The following NDC1 variants were observed in gnomAD, a reference collection of about 807,000 sequenced individuals.
NDC1 encodes NDC1 transmembrane nucleoporin.
NDC1 carries 24 observed loss-of-function variants against 89.8 expected under a neutral mutation model. The observed-to-expected ratio is 0.27, with a 90% confidence interval of 0.19 to 0.38. The LOEUF (loss-of-function observed/expected upper bound fraction) is 0.38, where lower values mean the gene tolerates loss of function less well. Ranked by LOEUF, NDC1 falls within the 10% of genes least tolerant of loss-of-function variation. The pLI, the probability that NDC1 is intolerant of heterozygous loss-of-function variation, is 1.00. For synonymous variants in NDC1, 296 were observed against 284.8 expected (o/e 1.04, Z -0.39); for missense variants, 728 against 797.6 (o/e 0.91, Z 1.05).
intron 14 of NDC1, among the ~76,000 whole-genome samples, chr1:53,790,004 G>A (rs1647435047): frequency 6.6e-6 from 1 of 151,960 alleles, no homozygotes; most frequent in South Asian, 2.1e-4. Flanking sequence ...TTGGGTGGCT[G>A]AGGCAGGAGA....
intron 6 of NDC1, among the ~76,000 whole-genome samples, chr1:53,811,941 A>G (rs567261230): frequency 2.6e-5 from 4 of 152,294 alleles, no homozygotes; most frequent in African/African-American, 9.6e-5. Context: ...GACTCTGTGC[A>G]GACAACCCCC....
chr1:53,818,929 A>G, intron 6 of NDC1, 42 bp downstream of exon 6: 4 of 876,338 alleles, frequency 4.6e-6, no homozygotes, highest in South Asian at 1.6e-5. Flanking sequence ...TTTCTGGGCT[A>G]TGAGATAATA....
rs944011011 is a variant in NDC1, at chr1:53,825,806, T to C, written c.586A>G (p.Ile196Val). The C allele has an allele frequency of 1.9e-6, 3 of 1,588,460 alleles. No individual in the cohort carries two copies. Among genetic ancestry groups the C allele is most frequent in the Admixed American group, 1.9e-5 (1 of 52,530 alleles). Reference sequence around the variant, plus strand: ...TGCTCAAATGATCTTACCTGTATGATGGGAAATGGAAGATAGTTCATGTTG... The same window carrying C: ...TGCTCAAATGATCTTACCTGTATGACGGGAAATGGAAGATAGTTCATGTTG... ...VNNMNYLPFP[I>V]IQQYKFLRFR... The change falls in exon 5 of 18, where the codon ATC becomes GTC. Residue 196 changes from isoleucine to valine, a missense_variant. Transcript: ENST00000371429.
Position 53,827,519 on chromosome 1 carries a change from C to T in NDC1, c.455+480G>A, listed in dbSNP as rs1323347389. The stretch of plus-strand genomic sequence containing the variant: ...CAATGCCATGTGTTCAAGAACTATA[C>T]AAGTTTCAAAATTATAAAAGCACTC... On this transcript the variant is annotated intron_variant, in intron 4 of 17. Coordinates refer to ENST00000371429, the MANE Select transcript of NDC1 (RefSeq NM_018087.5). Among the ~76,000 whole-genome samples the T allele has an allele frequency of 2.0e-5, 3 of 152,188 alleles. No homozygotes were observed. The South Asian group carries it at 6.2e-4, about 31-fold the overall frequency.
At chr1:53,800,513 G>C (rs190772753) in intron 11 of NDC1, among the ~76,000 whole-genome samples, 180 bp downstream of exon 11, 4 of 151,636 alleles carry the variant, frequency 2.6e-5, no homozygotes, top group Admixed American at 2.6e-4. Flanking sequence ...TTTTAGTAGA[G>C]ACAGAGTTTC....
intron 10 of NDC1, among the ~76,000 whole-genome samples, 163 bp downstream of exon 10, chr1:53,803,765 G>T (rs970530043): frequency 6.6e-6 from 1 of 151,982 alleles, no homozygotes; most frequent in African/African-American, 2.4e-5. Context: ...TAGAGACAGG[G>T]TTTCACCGTG....
Position 53,765,604 on chromosome 1 carries a change from C to T in NDC1, c.*2366G>A, listed in dbSNP as rs1322563245. 1 of 152,112 alleles carries T rather than the reference C, an allele frequency of 6.6e-6. No individual in the cohort carries two copies. Among genetic ancestry groups the T allele is most frequent in the East Asian group, 1.9e-4 (1 of 5,192 alleles). The allele number at this position is 152,112 out of a possible 1,614,324, so 9.4% of individuals were successfully genotyped here. The stretch of plus-strand genomic sequence containing the variant: ...AACAATTACCAAGGAACAAATCCTG[C>T]AAAGTAACAAATTGTTGCTTATCCA... On this transcript the variant is annotated 3_prime_UTR_variant, in exon 18 of 18. Transcript: ENST00000371429.
intron 5 of NDC1, among the ~76,000 whole-genome samples, chr1:53,820,061 C>T (rs1385944023): frequency 6.6e-6 from 1 of 152,026 alleles, no homozygotes; most frequent in Non-Finnish European, 1.5e-5. Flanking sequence ...TCGTAACCAG[C>T]CTGACCAATG....
Position 53,827,992 on chromosome 1 carries a change from A to T in NDC1, c.455+7T>A. The T allele has an allele frequency of 6.3e-7, 1 of 1,589,668 alleles. No individual in the cohort carries two copies. The highest frequency in any genetic ancestry group is 8.6e-7 in the Non-Finnish European group (1 of 1,165,716). On this transcript the variant is annotated splice_region_variant and intron_variant, in intron 4 of 17. Transcript: ENST00000371429. The stretch of plus-strand genomic sequence containing the variant: ...AGATTCCTAAGGAAATATATATTTA[A>T]TATTACCTGTTAGTACCAGTGCAGG...
intron 16 of NDC1, among the ~76,000 whole-genome samples, chr1:53,785,464 C>A (rs1647279668): frequency 6.6e-6 from 1 of 152,162 alleles, no homozygotes; most frequent in African/African-American, 2.4e-5. Context: ...AAGGTACTCA[C>A]AAAAAGTGCT....
intron 5 of NDC1, among the ~76,000 whole-genome samples, chr1:53,823,608 G>T (rs1648744381): frequency 6.6e-6 from 1 of 151,926 alleles, no homozygotes; most frequent in African/African-American, 2.4e-5. Flanking sequence ...AAGGTATTGT[G>T]GGGCATCTCA....
chr1:53,775,028 G>C (rs987367859), intron 16 of NDC1, among the ~76,000 whole-genome samples: 1 of 152,158 alleles, frequency 6.6e-6, no homozygotes, highest in African/African-American at 2.4e-5. Context: ...AATGCAACTA[G>C]CTGTTCACCA....
chr1:53,796,580 T>C (rs1463939848), intron 13 of NDC1, 109 bp downstream of exon 13: 4 of 431,362 alleles, frequency 9.3e-6, no homozygotes, highest in Non-Finnish European at 1.5e-5. Flanking sequence ...ACACGAAGCA[T>C]AAAAAAAAAA....
chr1:53,777,054 G>A (rs1315856343), intron 16 of NDC1, among the ~76,000 whole-genome samples: 3 of 151,672 alleles, frequency 2.0e-5, no homozygotes, highest in African/African-American at 4.9e-5. Flanking sequence ...TAGAGACAGG[G>A]TCTCACTCTG....
At chr1:53,805,931 G>A (rs546488658) in intron 9 of NDC1, among the ~76,000 whole-genome samples, 4 of 152,040 alleles carry the variant, frequency 2.6e-5, no homozygotes, top group Non-Finnish European at 4.4e-5. Flanking sequence ...AAAATTAGCC[G>A]GGCGTGGTAG....
In NDC1 at chr1:53,806,479, C is replaced by T; in HGVS notation, c.930G>A (p.Gly310=). Residue 310 remains glycine, a synonymous_variant, in exon 9 of 18, where the codon GGG becomes GGA. Coordinates refer to ENST00000371429, the MANE Select transcript of NDC1 (RefSeq NM_018087.5). ...VFPVQPPFAE[G]SDECLPKVLN... is the part of the protein sequence containing the mutation. ...ACACTTTTGGAAGGCACTCATCTGA[C>T]CCTTCTGCAAATGGTGGTTGAACAG... 6.5e-7 allele frequency: 1 copy of T among 1,527,348 alleles called. No homozygotes were observed. The highest frequency in any genetic ancestry group is 8.7e-7 in the Non-Finnish European group (1 of 1,144,286). 94.6% of individuals were successfully genotyped at this position (1,527,348 alleles called of 1,614,324 possible). A position where few individuals can be genotyped will look rare whatever the true frequency, so the allele number is the denominator to read the frequency against.
chr1:53,825,339 G>T (rs1648813599), intron 5 of NDC1, among the ~76,000 whole-genome samples: 1 of 151,610 alleles, frequency 6.6e-6, no homozygotes, highest in Non-Finnish European at 1.5e-5. Flanking sequence ...AACTGGGCGT[G>T]ATGGCATGTG....
At chr1:53,781,892 C>T (rs989985927) in intron 16 of NDC1, among the ~76,000 whole-genome samples, 17 of 152,154 alleles carry the variant, frequency 1.1e-4, no homozygotes, top group Non-Finnish European at 1.9e-4. Flanking sequence ...AGTCTTCGTC[C>T]ACTGAACCAG....
intron 1 of NDC1, among the ~76,000 whole-genome samples, chr1:53,836,930 C>T (rs1369706090): frequency 6.6e-6 from 1 of 152,102 alleles, no homozygotes; most frequent in Non-Finnish European, 1.5e-5. Flanking sequence ...GCATAAGCAA[C>T]AAAAGAAAAA....
Sources: allele counts gnomAD v4.1 joint callset (sites outside exome capture counted in the v4.1 genomes callset), GRCh38; gene constraint gnomAD v4.1.1; transcripts MANE v1.5; gene names NCBI Gene and HGNC (gene_info 2026-07-23, HGNC 2026-07-21).